The following FBXW7 variants were observed in gnomAD, a reference collection of about 807,000 sequenced individuals.
FBXW7 encodes F-box/WD repeat-containing protein 7.
Under a neutral mutation model 86.3 loss-of-function variants are expected in FBXW7, and 11 were observed. The observed-to-expected ratio is 0.13, with a 90% CI of 0.08 to 0.21. The LOEUF (loss-of-function observed/expected upper bound fraction) is 0.21, where lower values mean the gene tolerates loss of function less well. Among genes scored for constraint, FBXW7 ranks in the 10% least tolerant of loss-of-function variants. The pLI is 1.00. For synonymous variants in FBXW7, 313 were observed against 297.9 expected (o/e 1.05, Z -0.52); for missense variants, 488 against 847.4 (o/e 0.58, Z 5.27).
chr4:152,418,130 C>T (rs1362965500), intron 2 of FBXW7, among the ~76,000 whole-genome samples: 3 of 127,436 alleles, frequency 2.4e-5, no homozygotes, highest in Non-Finnish European at 5.3e-5. Flanking sequence ...GCTCTTACCA[C>T]ACACACACAC....
chr4:152,431,440 G>C (rs1193857001), intron 2 of FBXW7, among the ~76,000 whole-genome samples: 1 of 152,130 alleles, frequency 6.6e-6, no homozygotes, highest in Non-Finnish European at 1.5e-5. Flanking sequence ...TTTTCTAAGG[G>C]TTTAAAGCAC....
At chr4:152,393,368 A>T (rs147699915) in intron 4 of FBXW7, among the ~76,000 whole-genome samples, 34 of 152,290 alleles carry the variant, frequency 2.2e-4, no homozygotes, top group African/African-American at 8.2e-4. Context: ...TAATTAAAAT[A>T]AAATGTAAGA....
intron 6 of FBXW7, among the ~76,000 whole-genome samples, chr4:152,345,873 G>A (rs1731212450): frequency 6.6e-6 from 1 of 152,006 alleles, no homozygotes; most frequent in Non-Finnish European, 1.5e-5. Context: ...GTCAAGTAAA[G>A]TATCATCTTT....
chr4:152,351,900 A>G (rs2126657743), intron 4 of FBXW7, among the ~76,000 whole-genome samples: 1 of 152,236 alleles, frequency 6.6e-6, no homozygotes, highest in Non-Finnish European at 1.5e-5. Context: ...CTGAGAAAGG[A>G]TTTTATTTTA....
intron 2 of FBXW7, among the ~76,000 whole-genome samples, chr4:152,426,879 A>C (rs1739436181): frequency 6.6e-6 from 1 of 152,228 alleles, no homozygotes; most frequent in Non-Finnish European, 1.5e-5. Flanking sequence ...GAGAAGGGCC[A>C]CAAGAAACTT....
chr4:152,529,637 T>C (rs1469278360), intron 2 of FBXW7, among the ~76,000 whole-genome samples: 2 of 152,188 alleles, frequency 1.3e-5, no homozygotes, highest in Non-Finnish European at 2.9e-5. Context: ...TTACACTTTC[T>C]GAACAACACA....
intron 2 of FBXW7, among the ~76,000 whole-genome samples, chr4:152,501,191 CA>C (rs1183373555): frequency 1.3e-5 from 2 of 152,184 alleles, no homozygotes; most frequent in Non-Finnish European, 2.9e-5. Flanking sequence ...AGTGTTTCTT[CA>C]AACTTAATTA....
chr4:152,517,669 C>T (rs1041758381), intron 2 of FBXW7, among the ~76,000 whole-genome samples: 1 of 152,204 alleles, frequency 6.6e-6, no homozygotes, highest in African/African-American at 2.4e-5. Context: ...ACAACACTTA[C>T]CTCATAGAGC....
Position 152,535,583 on chromosome 4 carries a change from G to A in FBXW7, c.-669C>T, listed in dbSNP as rs953301589. The A allele has an allele frequency of 1.8e-5, 7 of 396,730 alleles. No homozygotes were observed. The highest frequency in any genetic ancestry group is 6.3e-4 in the Middle Eastern group (1 of 1,598). The allele number at this position is 396,730 out of a possible 1,614,324, so 24.6% of individuals were successfully genotyped here. On this transcript the variant is annotated 5_prime_UTR_variant, in exon 1 of 14. Coordinates refer to ENST00000281708, the MANE Select transcript of FBXW7 (RefSeq NM_001349798.2). ...CGGCCCCGGGCGGGTGGCCGAGTCG[G>A]CGGCAAGGCGAGGGACCCGGCCGGC...
At position 152,411,435 on chromosome 4, in the gene FBXW7, G is replaced by A. The variant is rs776641602; in HGVS notation, c.369C>T (p.Asp123=). 7.4e-6 allele frequency: 12 copies of A among 1,613,202 alleles called. No homozygotes were observed. The highest frequency in any genetic ancestry group is 5.5e-5 in the South Asian group (5 of 91,018). Reference sequence around the variant, plus strand: ...TACTATCATCAGACTGATCAAAATCGTCACTCTCCTGGTCCATCTCCTCCT... The same window carrying A: ...TACTATCATCAGACTGATCAAAATCATCACTCTCCTGGTCCATCTCCTCCT... ...EEEEEMDQES[D]DFDQSDDSSR... is the part of the protein sequence containing the mutation. The change falls in exon 4 of 14, where the codon GAC becomes GAT. Residue 123 remains aspartate, a synonymous_variant. Transcript: ENST00000281708.
intron 2 of FBXW7, among the ~76,000 whole-genome samples, chr4:152,424,074 G>A (rs917958482): frequency 6.6e-6 from 1 of 152,038 alleles, no homozygotes; most frequent in Non-Finnish European, 1.5e-5. Context: ...GTCCCACTAT[G>A]TTGCCCAGGC....
chr4:152,382,170 T>C, intron 4 of FBXW7: 2 of 1,510,048 alleles, frequency 1.3e-6, no homozygotes, highest in Non-Finnish European at 1.8e-6. Context: ...TTCATATTTT[T>C]CAAATGTGTG....
intron 2 of FBXW7, among the ~76,000 whole-genome samples, chr4:152,419,998 C>T (rs1204384337): frequency 6.6e-6 from 1 of 152,102 alleles, no homozygotes; most frequent in Non-Finnish European, 1.5e-5. Flanking sequence ...AAGTTAGCCA[C>T]ATCAATTGAC....
At chr4:152,372,616 T>C (rs960881486) in intron 4 of FBXW7, among the ~76,000 whole-genome samples, 2 of 152,126 alleles carry the variant, frequency 1.3e-5, no homozygotes, top group Non-Finnish European at 2.9e-5. Context: ...TGTGGACTTA[T>C]TTCACACTTG....
chr4:152,495,246 T>C (rs1746215726), intron 2 of FBXW7, among the ~76,000 whole-genome samples: 1 of 151,974 alleles, frequency 6.6e-6, no homozygotes, highest in Non-Finnish European at 1.5e-5. Flanking sequence ...CACCCTGTCC[T>C]ACATGGTGAA....
intron 2 of FBXW7, among the ~76,000 whole-genome samples, chr4:152,505,422 G>A (rs1241240427): frequency 3.3e-5 from 5 of 152,060 alleles, no homozygotes; most frequent in African/African-American, 1.2e-4. Flanking sequence ...TTTTTTGCCT[G>A]TTTTGTAATA....
chr4:152,510,080 G>C (rs1471358494), intron 2 of FBXW7, among the ~76,000 whole-genome samples: 1 of 152,088 alleles, frequency 6.6e-6, no homozygotes, highest in Non-Finnish European at 1.5e-5. Context: ...AGTGATGACT[G>C]GGTAGCACAC....
chr4:152,433,450 C>G (rs1467591112), intron 2 of FBXW7, among the ~76,000 whole-genome samples: 1 of 152,216 alleles, frequency 6.6e-6, no homozygotes, highest in Non-Finnish European at 1.5e-5. Context: ...TCTGCATCTC[C>G]ATGGTGGCTA....
chr4:152,332,455 T>C (rs1450213578), intron 8 of FBXW7, 141 bp downstream of exon 8: 1 of 760,676 alleles, frequency 1.3e-6, no homozygotes, highest in African/African-American at 1.8e-5. Context: ...GCTGTTAAGA[T>C]TCGGCTCATC....
Sources: allele counts gnomAD v4.1 joint callset (sites outside exome capture counted in the v4.1 genomes callset), GRCh38; gene constraint gnomAD v4.1.1; transcripts MANE v1.5; gene names NCBI Gene and HGNC (gene_info 2026-07-23, HGNC 2026-07-21).